The following THRB variants were observed in gnomAD, a reference collection of about 807,000 sequenced individuals.
The protein encoded by THRB is thyroid hormone receptor beta.
In THRB, 12 loss-of-function variants were observed where a neutral mutation model predicts 47.8. That is an observed-to-expected ratio of 0.25 (90% CI 0.16 to 0.41). The LOEUF (loss-of-function observed/expected upper bound fraction) is 0.41. THRB is among the 10% of genes least tolerant of loss of function. The pLI, the probability that THRB is intolerant of heterozygous loss-of-function variation, is 1.00. For synonymous variants in THRB, 218 were observed against 212.2 expected (o/e 1.03, Z -0.24); for missense variants, 348 against 589.2 (o/e 0.59, Z 4.24).
intron 3 of THRB, among the ~76,000 whole-genome samples, chr3:24,258,120 G>A (rs1667747): frequency 0.81 from 123,092 of 152,182 alleles, 50,703 homozygotes; most frequent in African/African-American, 0.95. Flanking sequence ...GGAGGAGAAT[G>A]AGGTGAAAGG....
chr3:24,269,383 TCACACG>T (rs1342693877), intron 3 of THRB, among the ~76,000 whole-genome samples: 1 of 103,758 alleles, frequency 9.6e-6, no homozygotes, highest in African/African-American at 3.8e-5. Context: ...TCATCATAGC[TCACACG>T]CGCGCGCGCG....
chr3:24,145,374 T>C (rs148679081), intron 7 of THRB, among the ~76,000 whole-genome samples: 2 of 152,238 alleles, frequency 1.3e-5, no homozygotes, highest in East Asian at 1.9e-4. Context: ...TCAAAATTTA[T>C]TTCCATACAG....
At chr3:24,225,276 CCTAT>C (rs1442116836) in intron 4 of THRB, among the ~76,000 whole-genome samples, 3 of 152,134 alleles carry the variant, frequency 2.0e-5, no homozygotes, top group African/African-American at 4.8e-5. Context: ...TCTGAAAGCT[CCTAT>C]CTATCTTGGC....
intron 1 of THRB, among the ~76,000 whole-genome samples, chr3:24,425,196 G>A (rs2069638208): frequency 6.6e-6 from 1 of 151,788 alleles, no homozygotes; most frequent in African/African-American, 2.4e-5. Flanking sequence ...GATGCACGTT[G>A]ACAAATTGTC....
intron 8 of THRB, among the ~76,000 whole-genome samples, chr3:24,140,202 G>A (rs1161192307): frequency 6.6e-6 from 1 of 152,200 alleles, no homozygotes; most frequent in East Asian, 1.9e-4. Context: ...CTAAGACACA[G>A]GGCTTAACTG....
intron 3 of THRB, among the ~76,000 whole-genome samples, chr3:24,290,950 A>G (rs2055862685): frequency 6.6e-6 from 1 of 152,194 alleles, no homozygotes; most frequent in Non-Finnish European, 1.5e-5. Context: ...TTTCCGTACC[A>G]AAGAGAAGTG....
intron 5 of THRB, among the ~76,000 whole-genome samples, chr3:24,177,912 C>T (rs150286608): frequency 1.2e-4 from 18 of 152,118 alleles, no homozygotes; most frequent in South Asian, 6.3e-4. Flanking sequence ...AAATATGAGA[C>T]GAGAATAAAG....
At chr3:24,405,622 A>G (rs980227022) in intron 1 of THRB, among the ~76,000 whole-genome samples, 1 of 151,774 alleles carries the variant, frequency 6.6e-6, no homozygotes, top group Non-Finnish European at 1.5e-5. Context: ...ACAGCTTTGT[A>G]TATTATGTAG....
chr3:24,222,409 A>T (rs1210689562), intron 4 of THRB, among the ~76,000 whole-genome samples: 1 of 152,050 alleles, frequency 6.6e-6, no homozygotes, highest in Non-Finnish European at 1.5e-5. Context: ...TTGAAGGTGG[A>T]GGTAGTAGTG....
chr3:24,440,544 T>G (rs1018359345), intron 1 of THRB, among the ~76,000 whole-genome samples: 1 of 152,210 alleles, frequency 6.6e-6, no homozygotes, highest in Non-Finnish European at 1.5e-5. Flanking sequence ...AAAATATTTG[T>G]AGTCACATGC....
intron 3 of THRB, among the ~76,000 whole-genome samples, chr3:24,270,882 A>T (rs990086131): frequency 2.0e-5 from 3 of 152,194 alleles, no homozygotes; most frequent in Admixed American, 2.0e-4. Context: ...CTAATCTCAC[A>T]CAGAAATGTT....
chr3:24,204,334 T>G (rs902904800), intron 4 of THRB, among the ~76,000 whole-genome samples: 1 of 149,778 alleles, frequency 6.7e-6, no homozygotes, highest in African/African-American at 2.5e-5. Flanking sequence ...GCAGCAACAT[T>G]TGCTGTTCAG....
At chr3:24,337,152 A>G (rs1296159067) in intron 2 of THRB, 148 bp downstream of exon 2, 2 of 152,064 alleles carry the variant, frequency 1.3e-5, no homozygotes, top group Non-Finnish European at 2.9e-5. Context: ...AATGCTTTAT[A>G]TTTTTTCGGA....
In THRB at chr3:24,346,319, T is replaced by G. The variant is rs1481755567; in HGVS notation, c.-260-8948A>C. On this transcript the variant is annotated intron_variant, in intron 1 of 10. Coordinates refer to ENST00000646209, the MANE Select transcript of THRB (RefSeq NM_001354712.2). ...ACTTTGTAATTCCTAGGGTAACCAC[T>G]AAAAGAAGAGTAAAAGAATAAATGA... Among the ~76,000 whole-genome samples the G allele has an allele frequency of 3.3e-5, 5 of 152,000 alleles. No homozygotes were observed. In the East Asian group the frequency reaches 9.7e-4, roughly 29 times the overall value.
At chr3:24,328,189 CACA>C (rs561787733) in intron 2 of THRB, among the ~76,000 whole-genome samples, 1 of 152,152 alleles carries the variant, frequency 6.6e-6, no homozygotes, top group Non-Finnish European at 1.5e-5. Context: ...CATAAAATGA[CACA>C]ACGTCTTGTA....
chr3:24,197,535 T>C (rs1018255434), intron 4 of THRB, among the ~76,000 whole-genome samples: 18 of 152,214 alleles, frequency 1.2e-4, no homozygotes, highest in African/African-American at 4.1e-4. Flanking sequence ...TTCCCTCTTA[T>C]TGGACTCTAA....
chr3:24,356,836 C>T (rs374092689), intron 1 of THRB, among the ~76,000 whole-genome samples: 11 of 152,054 alleles, frequency 7.2e-5, no homozygotes, highest in African/African-American at 1.9e-4. Flanking sequence ...AAAGAAGGAA[C>T]GTACACAAAG....
At chr3:24,375,030 T>C (rs955159966) in intron 1 of THRB, among the ~76,000 whole-genome samples, 4 of 151,986 alleles carry the variant, frequency 2.6e-5, no homozygotes, top group African/African-American at 7.2e-5. Context: ...TGTTAAACAC[T>C]AGAGACACAA....
chr3:24,296,460 C>T (rs762132266), intron 3 of THRB, among the ~76,000 whole-genome samples: 35 of 152,220 alleles, frequency 2.3e-4, no homozygotes, highest in Non-Finnish European at 4.6e-4. Flanking sequence ...ACTGCAATTA[C>T]GTGGTGTGAC....
Sources: gnomAD v4.1 joint callset for allele counts (sites outside exome capture counted in the v4.1 genomes callset) on GRCh38, gnomAD v4.1.1 for gene constraint, MANE v1.5 for transcripts, NCBI Gene and HGNC (gene_info 2026-07-23, HGNC 2026-07-21) for gene names.